GALNTL6: variants seen among roughly 807,000 people sequenced by gnomAD.
GALNTL6 encodes the protein polypeptide N-acetylgalactosaminyltransferase like 6, also known as polypeptide N-acetylgalactosaminyltransferase-like 6.
In GALNTL6, 46 loss-of-function variants were observed where a neutral mutation model predicts 73.7. The ratio of observed to expected loss-of-function variants is 0.62; its 90% CI spans 0.49 to 0.80. The LOEUF is 0.80. GALNTL6 is among the 30% of genes least tolerant of loss of function. The pLI is 0.00. For synonymous variants in GALNTL6, 259 were observed against 263.7 expected (o/e 0.98, Z 0.17); for missense variants, 604 against 755.0 (o/e 0.80, Z 2.34).
At chr4:172,069,535 A>ATTATATAACACATATATG (rs1731466904) in intron 2 of GALNTL6, among the ~76,000 whole-genome samples, 3 of 55,972 alleles carry the variant, frequency 5.4e-5, no homozygotes, top group African/African-American at 1.6e-4. Flanking sequence ...TAACACATAT[A>ATTATATAACACATATATG]TTATATATAA....
chr4:172,051,197 G>A (rs767136694), intron 2 of GALNTL6, among the ~76,000 whole-genome samples: 28 of 152,156 alleles, frequency 1.8e-4, no homozygotes, highest in Non-Finnish European at 3.5e-4. Context: ...GCATGGAGAC[G>A]GGCAGGTGCA....
intron 11 of GALNTL6, among the ~76,000 whole-genome samples, chr4:173,010,552 T>A (rs1004728419): frequency 6.6e-6 from 1 of 152,136 alleles, no homozygotes; most frequent in African/African-American, 2.4e-5. Context: ...CTGGATCACA[T>A]GATAGCTCAA....
chr4:172,136,539 C>A (rs543960514), intron 2 of GALNTL6, among the ~76,000 whole-genome samples: 1 of 151,964 alleles, frequency 6.6e-6, no homozygotes, highest in Non-Finnish European at 1.5e-5. Flanking sequence ...ACCTTGAAAG[C>A]GATCTAAAGA....
chr4:172,852,393 C>T lies in GALNTL6; in HGVS notation c.924-30397C>T, dbSNP rs572104237. Among the ~76,000 whole-genome samples the T allele has an allele frequency of 2.0e-5, 3 of 152,182 alleles. No individual in the cohort carries two copies. In the East Asian group the frequency reaches 5.8e-4, roughly 29 times the overall value. The stretch of plus-strand genomic sequence containing the variant: ...ACATGGAAAAATTAGCAGGCCAAGA[C>T]TTGGAAATACATTACCTCTGCCCAC... On this transcript the variant is annotated intron_variant, in intron 7 of 12. Transcript: ENST00000506823.
intron 5 of GALNTL6, among the ~76,000 whole-genome samples, chr4:172,450,228 A>AC (rs1373725355): frequency 1.3e-5 from 2 of 150,520 alleles, no homozygotes; most frequent in East Asian, 1.9e-4. Context: ...AAAAAAAAAA[A>AC]AACAAACAAA....
At chr4:172,102,191 C>A (rs1249770675) in intron 2 of GALNTL6, among the ~76,000 whole-genome samples, 1 of 152,140 alleles carries the variant, frequency 6.6e-6, no homozygotes. Context: ...TGGAGATTTA[C>A]TAAATTTATT....
chr4:172,205,789 A>G (rs994432055), intron 2 of GALNTL6, among the ~76,000 whole-genome samples: 1 of 152,228 alleles, frequency 6.6e-6, no homozygotes, highest in African/African-American at 2.4e-5. Flanking sequence ...TTTTATCAGA[A>G]AAGTTACCAT....
chr4:172,045,008 T>A lies in GALNTL6; in HGVS notation c.139-184648T>A, dbSNP rs185946312. Reference sequence around the variant, plus strand: ...CAAGTATGCCAGCCTGTGCTGTGTATCACCAACTGTAATTTAAATGTGGCT... The same window carrying A: ...CAAGTATGCCAGCCTGTGCTGTGTAACACCAACTGTAATTTAAATGTGGCT... On this transcript the variant is annotated intron_variant, in intron 2 of 12. Transcript: ENST00000506823. Among the ~76,000 whole-genome samples the A allele has an allele frequency of 9.7e-4, 147 of 152,202 alleles. 1 individual carries two copies. The highest frequency in any genetic ancestry group is 1.6e-3 in the Non-Finnish European group (111 of 67,934).
At chr4:172,625,599 A>C (rs934226101) in intron 5 of GALNTL6, among the ~76,000 whole-genome samples, 1 of 152,128 alleles carries the variant, frequency 6.6e-6, no homozygotes, top group Non-Finnish European at 1.5e-5. Flanking sequence ...AGAAATCTCC[A>C]AACTGCTTTC....
intron 2 of GALNTL6, among the ~76,000 whole-genome samples, chr4:171,928,317 G>A (rs186046396): frequency 6.6e-6 from 1 of 152,238 alleles, no homozygotes; most frequent in East Asian, 1.9e-4. Context: ...TGAGGTCAGG[G>A]AGTTTAAAAT....
chr4:171,849,519 A>G (rs1735462187), intron 2 of GALNTL6, among the ~76,000 whole-genome samples: 1 of 152,344 alleles, frequency 6.6e-6, no homozygotes, highest in African/African-American at 2.4e-5. Context: ...ACTTTAAGTC[A>G]TCTACATTTG....
At chr4:172,893,345 CGG>C (rs34438659) in intron 8 of GALNTL6, among the ~76,000 whole-genome samples, 1 of 110,154 alleles carries the variant, frequency 9.1e-6, no homozygotes, top group Non-Finnish European at 2.2e-5. Context: ...CTGAGAGTGG[CGG>C]GGGGGGGGTC....
chr4:171,914,188 C>T (rs903843825), intron 2 of GALNTL6, among the ~76,000 whole-genome samples: 2 of 152,020 alleles, frequency 1.3e-5, no homozygotes, highest in African/African-American at 4.8e-5. Context: ...AATAAAACAC[C>T]CCTAGCCGTT....
intron 5 of GALNTL6, among the ~76,000 whole-genome samples, chr4:172,653,479 C>T (rs996878216): frequency 6.6e-6 from 1 of 152,138 alleles, no homozygotes; most frequent in African/African-American, 2.4e-5. Flanking sequence ...CCTCGGCCTC[C>T]CAAAGTGCTG....
chr4:172,594,769 G>A (rs1482481675), intron 5 of GALNTL6, among the ~76,000 whole-genome samples: 1 of 152,026 alleles, frequency 6.6e-6, no homozygotes, highest in African/African-American at 2.4e-5. Flanking sequence ...GTCCAATTTA[G>A]TACTGTCCGA....
intron 5 of GALNTL6, among the ~76,000 whole-genome samples, chr4:172,376,317 G>C (rs1418277622): frequency 6.6e-6 from 1 of 152,168 alleles, no homozygotes; most frequent in Admixed American, 6.5e-5. Flanking sequence ...CAAGGGTCAG[G>C]GTAGATAGAA....
At chr4:172,020,962 T>C (rs1741379071) in intron 2 of GALNTL6, among the ~76,000 whole-genome samples, 3 of 152,054 alleles carry the variant, frequency 2.0e-5, no homozygotes, top group Admixed American at 6.6e-5. Context: ...ATCATGACCA[T>C]GTGGAATTTA....
At chr4:172,579,737 A>G (rs542177966) in intron 5 of GALNTL6, among the ~76,000 whole-genome samples, 1 of 151,714 alleles carries the variant, frequency 6.6e-6, no homozygotes, top group Non-Finnish European at 1.5e-5. Context: ...AGAGATTTCT[A>G]TACAATTTCA....
intron 3 of GALNTL6, among the ~76,000 whole-genome samples, chr4:172,269,319 C>A (rs778453060): frequency 6.6e-6 from 1 of 152,114 alleles, no homozygotes; most frequent in Non-Finnish European, 1.5e-5. Flanking sequence ...GATATGGCAT[C>A]CTTAAAGGAT....
Sources: allele counts gnomAD v4.1 joint callset (sites outside exome capture counted in the v4.1 genomes callset), GRCh38; gene constraint gnomAD v4.1.1; transcripts MANE v1.5; gene names NCBI Gene and HGNC (gene_info 2026-07-23, HGNC 2026-07-21).